Variants in JAZF1 observed in about 807,000 individuals in gnomAD.
The protein encoded by JAZF1 is juxtaposed with another zinc finger protein 1.
JAZF1 carries 8 observed loss-of-function variants against 26.4 expected under a neutral mutation model. The observed-to-expected ratio is 0.30, with a 90% confidence interval of 0.18 to 0.55. The LOEUF (loss-of-function observed/expected upper bound fraction) is 0.55. JAZF1 is among the 20% of genes least tolerant of loss of function. JAZF1 has a pLI of 0.94. For missense variants in JAZF1, 199 were observed against 322.0 expected (o/e 0.62, Z 2.92); for synonymous variants, 126 against 122.3 (o/e 1.03, Z -0.20).
At chr7:27,868,330 C>T (rs1473336027) in intron 3 of JAZF1, among the ~76,000 whole-genome samples, 2 of 152,218 alleles carry the variant, frequency 1.3e-5, no homozygotes, top group South Asian at 2.1e-4. Context: ...CTCACATGGC[C>T]CATGCCTGCT....
intron 1 of JAZF1, among the ~76,000 whole-genome samples, chr7:28,169,298 T>C (rs1275941506): frequency 6.6e-6 from 1 of 152,216 alleles, no homozygotes. Flanking sequence ...GGAGCCAATA[T>C]ATAAAAGGGA....
At chr7:28,132,258 C>A (rs907708207) in intron 1 of JAZF1, among the ~76,000 whole-genome samples, 1 of 152,114 alleles carries the variant, frequency 6.6e-6, no homozygotes, top group South Asian at 2.1e-4. Flanking sequence ...TTAGGGAGAA[C>A]GAGGATCAGC....
At chr7:28,175,599 T>C (rs1183258059) in intron 1 of JAZF1, among the ~76,000 whole-genome samples, 1 of 152,184 alleles carries the variant, frequency 6.6e-6, no homozygotes, top group African/African-American at 2.4e-5. Context: ...CAGACATGTG[T>C]GTTCAACTCC....
chr7:27,837,410 CAGTGGGGAG>C (rs1782835773), intron 4 of JAZF1, among the ~76,000 whole-genome samples: 2 of 152,234 alleles, frequency 1.3e-5, no homozygotes, highest in Non-Finnish European at 2.9e-5. Context: ...CTTTGGGGCT[CAGTGGGGAG>C]CCCACATTTC....
intron 3 of JAZF1, among the ~76,000 whole-genome samples, chr7:27,884,921 CCT>C (rs1235511532): frequency 6.6e-6 from 1 of 152,126 alleles, no homozygotes; most frequent in Non-Finnish European, 1.5e-5. Context: ...CTATATCACA[CCT>C]CTGTCAGTTT....
chr7:28,135,864 T>C (rs1782875583), intron 1 of JAZF1, among the ~76,000 whole-genome samples: 1 of 152,220 alleles, frequency 6.6e-6, no homozygotes, highest in African/African-American at 2.4e-5. Flanking sequence ...ACTAGGTGGA[T>C]GGAGATTATC....
chr7:28,023,536 A>C (rs567658801), intron 1 of JAZF1, among the ~76,000 whole-genome samples: 5 of 152,260 alleles, frequency 3.3e-5, no homozygotes, highest in Non-Finnish European at 7.3e-5. Flanking sequence ...AGAATTAGCA[A>C]GAATCTACTC....
At chr7:28,022,917 T>G (rs1783031241) in intron 1 of JAZF1, among the ~76,000 whole-genome samples, 2 of 152,150 alleles carry the variant, frequency 1.3e-5, no homozygotes, top group South Asian at 4.1e-4. Flanking sequence ...CCACCATATT[T>G]CACTTTGTAA....
chr7:27,920,888 G>T (rs1292264250), intron 2 of JAZF1, among the ~76,000 whole-genome samples: 1 of 152,210 alleles, frequency 6.6e-6, no homozygotes, highest in Admixed American at 6.5e-5. Context: ...AAACACAGCT[G>T]TAGTAATGTT....
At chr7:27,866,201 T>G (rs897727423) in intron 3 of JAZF1, among the ~76,000 whole-genome samples, 1 of 152,224 alleles carries the variant, frequency 6.6e-6, no homozygotes, top group Non-Finnish European at 1.5e-5. Flanking sequence ...CTTAGTAATT[T>G]TGCTTACTTA....
At chr7:27,871,618 G>C (rs931827614) in intron 3 of JAZF1, among the ~76,000 whole-genome samples, 2 of 152,218 alleles carry the variant, frequency 1.3e-5, no homozygotes, top group African/African-American at 4.8e-5. Flanking sequence ...GTATGCATTT[G>C]TAAATGGCCA....
chr7:27,915,295 AAT>A (rs1246049010), intron 2 of JAZF1, among the ~76,000 whole-genome samples: 1 of 152,214 alleles, frequency 6.6e-6, no homozygotes, highest in African/African-American at 2.4e-5. Context: ...AATTCCATTT[AAT>A]ATGGTAATTA....
At chr7:28,007,754 G>T (rs890747427) in intron 1 of JAZF1, among the ~76,000 whole-genome samples, 1 of 152,036 alleles carries the variant, frequency 6.6e-6, no homozygotes, top group Non-Finnish European at 1.5e-5. Context: ...TTTTTAAAAA[G>T]ACTTAAAAAT....
intron 1 of JAZF1, among the ~76,000 whole-genome samples, chr7:28,128,295 A>T (rs1475879671): frequency 6.6e-6 from 1 of 152,190 alleles, no homozygotes; most frequent in Non-Finnish European, 1.5e-5. Flanking sequence ...AGGCCGAGGC[A>T]GGTGGATCAC....
At chr7:28,151,457 T>A (rs930455230) in intron 1 of JAZF1, among the ~76,000 whole-genome samples, 2 of 152,062 alleles carry the variant, frequency 1.3e-5, no homozygotes, top group African/African-American at 4.8e-5. Context: ...GTACTATAAT[T>A]TATTTTCATG....
At chr7:28,025,761 T>G (rs1783084164) in intron 1 of JAZF1, among the ~76,000 whole-genome samples, 2 of 152,184 alleles carry the variant, frequency 1.3e-5, no homozygotes, top group African/African-American at 4.8e-5. Context: ...GTTGGACTGA[T>G]GTGAGATGGA....
intron 1 of JAZF1, among the ~76,000 whole-genome samples, chr7:28,021,958 C>A (rs1783014337): frequency 6.6e-6 from 1 of 152,132 alleles, no homozygotes; most frequent in Non-Finnish European, 1.5e-5. Flanking sequence ...AACAAAGAAA[C>A]AATACTTGCC....
chr7:27,965,515 G>T (rs950014658), intron 2 of JAZF1, among the ~76,000 whole-genome samples: 1 of 152,146 alleles, frequency 6.6e-6, no homozygotes, highest in African/African-American at 2.4e-5. Flanking sequence ...AAATTTGACT[G>T]CATGAAGAAG....
At chr7:27,910,834 G>A (rs1784348684) in intron 2 of JAZF1, among the ~76,000 whole-genome samples, 2 of 152,116 alleles carry the variant, frequency 1.3e-5, no homozygotes, top group South Asian at 2.1e-4. Context: ...CACCAAGTTC[G>A]TGTATGCAAA....
Sources: allele counts gnomAD v4.1 joint callset (sites outside exome capture counted in the v4.1 genomes callset), GRCh38; gene constraint gnomAD v4.1.1; transcripts MANE v1.5; gene names NCBI Gene and HGNC (gene_info 2026-07-23, HGNC 2026-07-21).